TMEM45A: variants seen among roughly 807,000 people sequenced by gnomAD.
TMEM45A encodes transmembrane protein 45A, also known as DNA polymerase-transactivated protein 4.
Under a neutral mutation model 32.0 loss-of-function variants are expected in TMEM45A, and 25 were observed. The ratio of observed to expected loss-of-function variants is 0.78; its 90% CI spans 0.57 to 1.09. The LOEUF (loss-of-function observed/expected upper bound fraction) is 1.09, where lower values mean the gene tolerates loss of function less well. Among genes scored for constraint, TMEM45A ranks in the 50% least tolerant of loss-of-function variants. The pLI, the probability that TMEM45A is intolerant of heterozygous loss-of-function variation, is 0.00. For missense variants in TMEM45A, 302 were observed against 325.0 expected, an observed-to-expected ratio of 0.93 and a Z score of 0.54; for synonymous variants, 122 against 114.8, an observed-to-expected ratio of 1.06 and a Z score of -0.40.
intron 1 of TMEM45A, among the ~76,000 whole-genome samples, chr3:100,513,286 T>C (rs1708199606): frequency 6.6e-6 from 1 of 152,150 alleles, no homozygotes; most frequent in Admixed American, 6.5e-5. Flanking sequence ...CATGATCAAG[T>C]GGGCTTCATC....
At chr3:100,530,297 G>A (rs1251884315) in intron 1 of TMEM45A, among the ~76,000 whole-genome samples, 1 of 152,108 alleles carries the variant, frequency 6.6e-6, no homozygotes, top group Admixed American at 6.5e-5. Context: ...GAAATCTGCT[G>A]GCCTGGAGCT....
intron 1 of TMEM45A, chr3:100,519,367 G>C (rs564529963): frequency 6.9e-6 from 4 of 578,680 alleles, no homozygotes; most frequent in South Asian, 4.3e-5. Context: ...CATGCATACA[G>C]GTTGTGTGTG....
At chr3:100,574,365 T>TATGCAAATAAACTAG (rs1466122590) in intron 5 of TMEM45A, 1 of 152,138 alleles carries the variant, frequency 6.6e-6, no homozygotes, top group Non-Finnish European at 1.5e-5. Context: ...GAGAGTACTA[T>TATGCAAATAAACTAG]AAACACCTGT....
intron 5 of TMEM45A, 88 bp downstream of exon 5, chr3:100,569,055 G>A: frequency 7.2e-7 from 1 of 1,381,996 alleles, no homozygotes; most frequent in East Asian, 2.3e-5. Flanking sequence ...AATTCAAAAG[G>A]GTATTTCATT....
chr3:100,539,508 C>T (rs376759016), intron 1 of TMEM45A, among the ~76,000 whole-genome samples: 258 of 81,412 alleles, frequency 3.2e-3, no homozygotes, highest in Admixed American at 6.0e-3. Flanking sequence ...TATACGTATA[C>T]GTATACGTAT....
chr3:100,522,385 T>A (rs192305890), intron 1 of TMEM45A, among the ~76,000 whole-genome samples: 1 of 152,312 alleles, frequency 6.6e-6, no homozygotes, highest in East Asian at 1.9e-4. Context: ...TTATTTATTT[T>A]CAATGGTGCA....
chr3:100,494,604 C>G (rs1039004665), intron 1 of TMEM45A, among the ~76,000 whole-genome samples: 1 of 151,392 alleles, frequency 6.6e-6, no homozygotes, highest in African/African-American at 2.4e-5. Flanking sequence ...CCATCTCCAG[C>G]TCTGGTGACA....
chr3:100,520,658 C>T (rs1576267356), intron 1 of TMEM45A, among the ~76,000 whole-genome samples: 2 of 152,304 alleles, frequency 1.3e-5, no homozygotes, highest in East Asian at 3.9e-4. Context: ...CCTTGTAGGG[C>T]TAGGCCTCTG....
chr3:100,523,113 C>T (rs1356591052), intron 1 of TMEM45A, among the ~76,000 whole-genome samples: 3 of 152,244 alleles, frequency 2.0e-5, no homozygotes, highest in African/African-American at 7.2e-5. Flanking sequence ...TTTCACATGA[C>T]TTCCACAGGT....
chr3:100,506,501 G>A (rs1414527092), intron 1 of TMEM45A, among the ~76,000 whole-genome samples: 1 of 152,186 alleles, frequency 6.6e-6, no homozygotes, highest in Admixed American at 6.5e-5. Flanking sequence ...TACCCTTAAA[G>A]AGTCCAACAG....
At chr3:100,501,431 T>G (rs1359417220) in intron 1 of TMEM45A, among the ~76,000 whole-genome samples, 3 of 152,172 alleles carry the variant, frequency 2.0e-5, no homozygotes, top group Non-Finnish European at 2.9e-5. Flanking sequence ...TGGGAGGAGT[T>G]TCCCAGCTAA....
At chr3:100,523,392 C>T (rs1705472772) in intron 1 of TMEM45A, among the ~76,000 whole-genome samples, 2 of 152,284 alleles carry the variant, frequency 1.3e-5, no homozygotes, top group African/African-American at 2.4e-5. Flanking sequence ...TTTATTTACT[C>T]GTTTAACAAC....
At chr3:100,539,221 A>C (rs1705801893) in intron 1 of TMEM45A, among the ~76,000 whole-genome samples, 1 of 152,228 alleles carries the variant, frequency 6.6e-6, no homozygotes. Context: ...TTCAGTGATC[A>C]AGAAAGTATG....
chr3:100,517,441 A>G (rs562067236), intron 1 of TMEM45A, among the ~76,000 whole-genome samples: 6 of 152,360 alleles, frequency 3.9e-5, no homozygotes, highest in African/African-American at 1.4e-4. Flanking sequence ...GTAAATTTTC[A>G]GGAAAAGCCA....
At chr3:100,558,027 A>G (rs1706258215) in intron 3 of TMEM45A, among the ~76,000 whole-genome samples, 1 of 152,226 alleles carries the variant, frequency 6.6e-6, no homozygotes, top group Non-Finnish European at 1.5e-5. Flanking sequence ...TGCTTAGAAG[A>G]TGCTTTGAAA....
At chr3:100,568,685 C>G in intron 4 of TMEM45A, 137 bp from the exon 5 acceptor site, 1 of 726,912 alleles carries the variant, frequency 1.4e-6, no homozygotes. Flanking sequence ...GGCAGCAAAA[C>G]CTGATGTTTT....
At chr3:100,572,343 A>G (rs1476385817) in intron 5 of TMEM45A, 2 of 152,064 alleles carry the variant, frequency 1.3e-5, no homozygotes, top group African/African-American at 4.8e-5. Flanking sequence ...CATTTCTCTG[A>G]TGGCCAGTGA....
At position 100,560,384 on chromosome 3, in the gene TMEM45A, A is replaced by G. The variant is rs1234417413; in HGVS notation, c.588+1795A>G. Among the ~76,000 whole-genome samples the G allele has an allele frequency of 3.3e-5, 5 of 151,496 alleles. No homozygotes were observed. In the East Asian group the frequency reaches 9.7e-4, roughly 29 times the overall value. ...CTAGAGCTGCCTTCTGTAAGATTTGATGTGTTAGTTTGTAGTTTTTTTGAT... is the reference window on the plus strand; with the variant it reads ...CTAGAGCTGCCTTCTGTAAGATTTGGTGTGTTAGTTTGTAGTTTTTTTGAT... On this transcript the variant is annotated intron_variant, in intron 4 of 5. Coordinates refer to ENST00000323523, the MANE Select transcript of TMEM45A (RefSeq NM_018004.3).
At chr3:100,537,289 G>A (rs910747648) in intron 1 of TMEM45A, among the ~76,000 whole-genome samples, 5 of 152,084 alleles carry the variant, frequency 3.3e-5, no homozygotes, top group African/African-American at 9.7e-5. Context: ...GGGGAAAGAC[G>A]TCTTCTAGTG....
Sources: gnomAD v4.1 joint callset for allele counts (sites outside exome capture counted in the v4.1 genomes callset) on GRCh38, gnomAD v4.1.1 for gene constraint, MANE v1.5 for transcripts, NCBI Gene and HGNC (gene_info 2026-07-23, HGNC 2026-07-21) for gene names.